Variants in IBTK observed in about 807,000 individuals in gnomAD.
IBTK encodes the protein BTK-binding protein.
A neutral mutation model predicts 154.9 loss-of-function variants in IBTK; 83 were observed. The observed-to-expected ratio is 0.54, with a 90% confidence interval of 0.45 to 0.64. The LOEUF (loss-of-function observed/expected upper bound fraction) is 0.64. Among genes scored for constraint, IBTK ranks in the 30% least tolerant of loss-of-function variants. IBTK has a pLI of 0.00. For missense variants in IBTK, 1,332 were observed against 1,584.6 expected, an observed-to-expected ratio of 0.84 and a Z score of 2.71; for synonymous variants, 515 against 536.1, an observed-to-expected ratio of 0.96 and a Z score of 0.54.
chr6:82,178,443 G>GA (rs1355963533), intron 26 of IBTK, among the ~76,000 whole-genome samples: 1 of 151,876 alleles, frequency 6.6e-6, no homozygotes, highest in African/African-American at 2.4e-5. Context: ...CCTTTAAATT[G>GA]ATATATCTAA....
intron 11 of IBTK, among the ~76,000 whole-genome samples, chr6:82,215,845 A>T (rs1280553128): frequency 6.6e-6 from 1 of 151,808 alleles, no homozygotes; most frequent in African/African-American, 2.4e-5. Flanking sequence ...TATTTTCAAT[A>T]TTTTCAATAA....
In IBTK at chr6:82,211,497, A is replaced by G; in HGVS notation, c.2367T>C (p.Ala789=). ...EFPCHKCVLC[A]RLEYFHSMLS... ...TTTAAAAAGTGCACCTACCAAGTCT[A>G]GCACAAAGAACACATTTATGACAAG... The change falls in exon 14 of 29, where the codon GCT becomes GCC. Residue 789 remains alanine (A), a synonymous_variant. Transcript: ENST00000306270. 1 of 1,612,982 alleles carries G rather than the reference A, an allele frequency of 6.2e-7. No homozygotes were observed. The highest frequency in any genetic ancestry group is 8.5e-7 in the Non-Finnish European group (1 of 1,179,012).
intron 1 of IBTK, 41 bp from the exon 2 acceptor site, chr6:82,240,884 G>A (rs1770920565): frequency 4.9e-6 from 2 of 404,838 alleles, no homozygotes; most frequent in Non-Finnish European, 8.7e-6. Flanking sequence ...TTCAAAATCT[G>A]TCTCTCGCTC....
chr6:82,212,592 G>T, intron 13 of IBTK, 115 bp downstream of exon 13: 1 of 691,428 alleles, frequency 1.4e-6, no homozygotes, highest in Middle Eastern at 2.5e-4. Flanking sequence ...ACTAGAAAAG[G>T]TAAGAGGGTA....
chr6:82,231,581 G>T, intron 4 of IBTK, 137 bp downstream of exon 4: 1 of 567,562 alleles, frequency 1.8e-6, no homozygotes, highest in Non-Finnish European at 2.9e-6. Flanking sequence ...AATTAGCAAA[G>T]TTCTATTGAT....
intron 12 of IBTK, 48 bp from the exon 13 acceptor site, chr6:82,212,841 T>G: frequency 9.3e-7 from 1 of 1,073,366 alleles, no homozygotes; most frequent in Non-Finnish European, 1.4e-6. Flanking sequence ...CCTACAAAAA[T>G]AAACATACAA....
At chr6:82,179,454 T>C (rs1463038434) in intron 26 of IBTK, among the ~76,000 whole-genome samples, 1 of 152,198 alleles carries the variant, frequency 6.6e-6, no homozygotes, top group Non-Finnish European at 1.5e-5. Flanking sequence ...AGATGATAGA[T>C]ATGGGCAAGA....
At chr6:82,212,617 T>G in intron 13 of IBTK, 90 bp downstream of exon 13, 1 of 779,670 alleles carries the variant, frequency 1.3e-6, no homozygotes, top group South Asian at 1.4e-5. Flanking sequence ...CCTATACATT[T>G]TGCTTCATAT....
chr6:82,192,904 T>C (rs553543691), intron 23 of IBTK, among the ~76,000 whole-genome samples: 2 of 151,700 alleles, frequency 1.3e-5, no homozygotes, highest in East Asian at 2.0e-4. Context: ...TCAAGACCAG[T>C]CTGGCCAACA....
At chr6:82,244,328 A>G (rs1771064231) in intron 1 of IBTK, among the ~76,000 whole-genome samples, 1 of 152,222 alleles carries the variant, frequency 6.6e-6, no homozygotes, top group Non-Finnish European at 1.5e-5. Context: ...TAAAGTTACT[A>G]ATGACTTCCA....
intron 12 of IBTK, 132 bp from the exon 13 acceptor site, chr6:82,212,925 C>T: frequency 3.4e-6 from 2 of 595,194 alleles, no homozygotes; most frequent in Non-Finnish European, 5.9e-6. Context: ...CAAACTCCTA[C>T]TCTGAGATAA....
Position 82,218,112 on chromosome 6 carries a change from C to T in IBTK, c.1274G>A (p.Ser425Asn). Residue 425 changes from serine to asparagine, a missense_variant, in exon 10 of 29, where the codon AGT becomes AAT. This residue lies in a region of IBTK where 1,134 missense variants were observed against 1,274.7 expected (regional missense o/e 0.89). Coordinates refer to ENST00000306270, the MANE Select transcript of IBTK (RefSeq NM_015525.4). Reference sequence around the variant, plus strand: ...GGCCCATCGACACTGCTTCAGAGAACTGTTGACTGATCTCCAGCAAAACAC... The same window carrying T: ...GGCCCATCGACACTGCTTCAGAGAATTGTTGACTGATCTCCAGCAAAACAC... ...GRVFCWRSVN[S>N]SLKQCRWAYP... is the part of the protein sequence containing the mutation. The T allele has an allele frequency of 6.3e-7, 1 of 1,581,058 alleles. No individual in the cohort carries two copies. Among genetic ancestry groups the T allele is most frequent in the Middle Eastern group, 1.7e-4 (1 of 5,912 alleles).
At chr6:82,237,261 G>C (rs1029897834) in intron 2 of IBTK, among the ~76,000 whole-genome samples, 20 of 150,460 alleles carry the variant, frequency 1.3e-4, no homozygotes, top group African/African-American at 4.9e-4. Context: ...AAAAAAAAAA[G>C]CCAAGGTTTT....
intron 27 of IBTK, chr6:82,173,148 T>C (rs779384245): frequency 2.8e-6 from 1 of 357,284 alleles, no homozygotes; most frequent in Non-Finnish European, 5.0e-6. Flanking sequence ...ATCACAGGCA[T>C]GCGCCACCAT....
chr6:82,191,260 G>A (rs1768758320), intron 24 of IBTK, 44 bp from the exon 25 acceptor site: 1 of 1,484,546 alleles, frequency 6.7e-7, no homozygotes. Context: ...TTCTGACAAA[G>A]TTTAATTCCA....
In IBTK at chr6:82,178,109, G is replaced by A. The variant is rs113932104; in HGVS notation, c.3725+3770C>T. Among the ~76,000 whole-genome samples the A allele has an allele frequency of 2.4e-3, 367 of 152,252 alleles. 2 individuals are homozygous for A. Among genetic ancestry groups the A allele is most frequent in the African/African-American group, 8.1e-3 (338 of 41,550 alleles). ...ATGGAAAAAAACCCTGAAACTCAAA[G>A]CTATCTGTCTTCTTTCTCAGAATCA... On this transcript the variant is annotated intron_variant, in intron 26 of 28. Coordinates refer to ENST00000306270, the MANE Select transcript of IBTK (RefSeq NM_015525.4).
chr6:82,243,275 A>C (rs1009202793), intron 1 of IBTK, among the ~76,000 whole-genome samples: 14 of 152,222 alleles, frequency 9.2e-5, no homozygotes, highest in Non-Finnish European at 7.4e-5. Flanking sequence ...AGCAAAGAGA[A>C]AAAAAGGTAC....
Position 82,170,189 on chromosome 6 carries a change from C to A in IBTK, c.*1236G>T, listed in dbSNP as rs1056677270. 6 of 152,488 alleles carry A rather than the reference C, an allele frequency of 3.9e-5. No homozygotes were observed. The highest frequency in any genetic ancestry group is 1.4e-4 in the African/African-American group (6 of 41,422). 9.4% of individuals were successfully genotyped at this position (152,488 alleles called of 1,614,324 possible). On this transcript the variant is annotated 3_prime_UTR_variant, in exon 29 of 29. Transcript: ENST00000306270. ...ACATCAGAAAAAATAATTATTAACT[C>A]TTTCCATAATAAATGTCAATATAGT... is the stretch of plus-strand genomic sequence containing the variant.
At chr6:82,211,603 C>T (rs768694967) in intron 13 of IBTK, 31 bp from the exon 14 acceptor site, 1 of 1,539,522 alleles carries the variant, frequency 6.5e-7, no homozygotes, top group South Asian at 1.1e-5. Context: ...GAAGCAAGAG[C>T]AATTTCTTTA....
Sources: gnomAD v4.1 joint callset for allele counts (sites outside exome capture counted in the v4.1 genomes callset) on GRCh38, gnomAD v4.1.1 for gene constraint, gnomAD v4.1.1 regional missense constraint, MANE v1.5 for transcripts, NCBI Gene and HGNC (gene_info 2026-07-23, HGNC 2026-07-21) for gene names.